Variants in ARHGAP26 observed in about 807,000 individuals in gnomAD.
ARHGAP26 encodes the protein rho GTPase-activating protein 26.
ARHGAP26 carries 38 observed loss-of-function variants against 104.8 expected under a neutral mutation model. That is an observed-to-expected ratio of 0.36 (90% confidence interval 0.28 to 0.48). The LOEUF (loss-of-function observed/expected upper bound fraction) is 0.48, where lower values mean the gene tolerates loss of function less well. Among genes scored for constraint, ARHGAP26 ranks in the 20% least tolerant of loss-of-function variants. ARHGAP26 has a pLI of 0.99. For synonymous variants in ARHGAP26, 341 were observed against 340.0 expected (o/e 1.00, Z -0.03); for missense variants, 704 against 947.9 (o/e 0.74, Z 3.38).
chr5:143,079,502 G>A (rs1232200930), intron 17 of ARHGAP26, among the ~76,000 whole-genome samples: 1 of 152,194 alleles, frequency 6.6e-6, no homozygotes, highest in Non-Finnish European at 1.5e-5. Flanking sequence ...CTGTGCAGCT[G>A]ATTTGATTAT....
At chr5:143,018,402 G>A (rs1010909439) in intron 12 of ARHGAP26, among the ~76,000 whole-genome samples, 3 of 152,088 alleles carry the variant, frequency 2.0e-5, no homozygotes, top group Non-Finnish European at 4.4e-5. Context: ...GTTGTGTTTT[G>A]GAGAAGGCCT....
intron 11 of ARHGAP26, among the ~76,000 whole-genome samples, chr5:143,011,420 A>G (rs1778734908): frequency 6.6e-6 from 1 of 151,488 alleles, no homozygotes; most frequent in Non-Finnish European, 1.5e-5. Flanking sequence ...TTATGAGAGC[A>G]GAGATTACAG....
At chr5:142,837,522 G>T (rs1157846813) in intron 1 of ARHGAP26, among the ~76,000 whole-genome samples, 1 of 152,112 alleles carries the variant, frequency 6.6e-6, no homozygotes, top group Admixed American at 6.6e-5. Flanking sequence ...AGAAGGCCTG[G>T]TTTTTAGGCT....
At chr5:142,855,085 A>G (rs1177911487) in intron 1 of ARHGAP26, among the ~76,000 whole-genome samples, 3 of 152,110 alleles carry the variant, frequency 2.0e-5, no homozygotes, top group African/African-American at 7.2e-5. Flanking sequence ...CACAAAAATA[A>G]TAATTAAAAA....
At chr5:143,168,971 G>C (rs1204163908) in intron 20 of ARHGAP26, 2 of 152,234 alleles carry the variant, frequency 1.3e-5, no homozygotes, top group Non-Finnish European at 2.9e-5. Context: ...TTCTCAAACT[G>C]TAAGTGAACT....
In ARHGAP26 at chr5:142,879,594, C is replaced by T. The variant is rs1756649946; in HGVS notation, c.384+149C>T. 1.7e-5 allele frequency: 12 copies of T among 714,424 alleles called. No homozygotes were observed. In the South Asian group the frequency reaches 2.4e-4, roughly 14 times the overall value. 44.3% of individuals were successfully genotyped at this position (714,424 alleles called of 1,614,324 possible). A position where few individuals can be genotyped will look rare whatever the true frequency, so the allele number is the denominator to read the frequency against. ...ATCTTAGGCAGAAAACTCTATAGAGCCCAACTCATCGGTTCTTTACGGGTG... is the reference window on the plus strand; with the variant it reads ...ATCTTAGGCAGAAAACTCTATAGAGTCCAACTCATCGGTTCTTTACGGGTG... On this transcript the variant is annotated intron_variant, in intron 4 of 22. Transcript: ENST00000645722.
At position 142,947,928 on chromosome 5, in the gene ARHGAP26, G is replaced by C. The variant is rs541687944; in HGVS notation, c.1107+15803G>C. 1.2e-4 allele frequency among the ~76,000 whole-genome samples: 18 copies of C among 152,284 alleles called. No homozygotes were observed. The South Asian group carries it at 3.5e-3, about 30-fold the overall frequency. On this transcript the variant is annotated intron_variant, in intron 11 of 22. Coordinates refer to ENST00000645722, the MANE Select transcript of ARHGAP26 (RefSeq NM_001135608.3). Reference sequence around the variant, plus strand: ...CCAGCTGCTCGGGAGTGTGAAGCGGGTGGATCACTTGAGCCCAGGAGTTTG... The same window carrying C: ...CCAGCTGCTCGGGAGTGTGAAGCGGCTGGATCACTTGAGCCCAGGAGTTTG...
intron 1 of ARHGAP26, among the ~76,000 whole-genome samples, chr5:142,792,394 G>A (rs773027602): frequency 1.3e-5 from 2 of 152,300 alleles, no homozygotes; most frequent in East Asian, 1.9e-4. Flanking sequence ...CTTGGGCTCC[G>A]TTTCTGTGTT....
intron 1 of ARHGAP26, among the ~76,000 whole-genome samples, chr5:142,780,803 T>A (rs1346522822): frequency 6.6e-6 from 1 of 152,120 alleles, no homozygotes; most frequent in Admixed American, 6.5e-5. Flanking sequence ...GTGACTCTGG[T>A]CTAGGGGACA....
chr5:142,878,140 C>T (rs999248814), intron 3 of ARHGAP26, among the ~76,000 whole-genome samples: 7 of 152,236 alleles, frequency 4.6e-5, no homozygotes, highest in South Asian at 2.1e-4. Context: ...GGCATTTACC[C>T]GGTTAGTTTC....
intron 14 of ARHGAP26, among the ~76,000 whole-genome samples, chr5:143,043,732 T>G (rs1314595760): frequency 6.6e-6 from 1 of 152,196 alleles, no homozygotes. Flanking sequence ...TGCTAGAGAT[T>G]AAATTTTAGA....
intron 10 of ARHGAP26, among the ~76,000 whole-genome samples, chr5:142,920,571 T>C (rs1763067631): frequency 6.6e-6 from 1 of 152,208 alleles, no homozygotes; most frequent in African/African-American, 2.4e-5. Flanking sequence ...AAATGATTAC[T>C]TTTTTCTGGG....
rs1802228827 is a variant in ARHGAP26, at chr5:143,167,892, A to G, written c.1988+20511A>G. On this transcript the variant is annotated intron_variant, in intron 20 of 22. Transcript: ENST00000645722. ...TCTGCCATTCAACAGATTTTTCTGA[A>G]TGTCTTCAATATGTAAACACATTAA... is the stretch of plus-strand genomic sequence containing the variant. Among the ~76,000 whole-genome samples the G allele has an allele frequency of 2.6e-5, 4 of 152,332 alleles. No homozygotes were observed. In the South Asian group the frequency reaches 8.3e-4, roughly 32 times the overall value.
At chr5:142,881,366 C>T (rs930579740) in intron 4 of ARHGAP26, among the ~76,000 whole-genome samples, 1 of 152,144 alleles carries the variant, frequency 6.6e-6, no homozygotes, top group African/African-American at 2.4e-5. Flanking sequence ...AGTGAGCTCC[C>T]TTTGGGCTTG....
At chr5:143,002,764 A>G (rs191225977) in intron 11 of ARHGAP26, among the ~76,000 whole-genome samples, 1 of 152,316 alleles carries the variant, frequency 6.6e-6, no homozygotes, top group African/African-American at 2.4e-5. Context: ...GTTTTTGTTT[A>G]TGTTGGCTGT....
At chr5:142,792,159 G>A (rs151151808) in intron 1 of ARHGAP26, among the ~76,000 whole-genome samples, 4 of 152,106 alleles carry the variant, frequency 2.6e-5, no homozygotes, top group Admixed American at 2.6e-4. Flanking sequence ...CACATCTCTT[G>A]TTCTTCCAGT....
At chr5:142,902,777 A>G (rs1760547303) in intron 7 of ARHGAP26, among the ~76,000 whole-genome samples, 1 of 152,212 alleles carries the variant, frequency 6.6e-6, no homozygotes, top group African/African-American at 2.4e-5. Context: ...AATCTTGGAA[A>G]AGGTTTCACA....
intron 11 of ARHGAP26, among the ~76,000 whole-genome samples, chr5:142,988,469 G>T (rs1428311490): frequency 6.6e-6 from 1 of 151,956 alleles, no homozygotes; most frequent in Non-Finnish European, 1.5e-5. Context: ...TTTTTGAAGG[G>T]TTTTTTGTGT....
In ARHGAP26 at chr5:142,783,272, G is replaced by A. The variant is rs137935050; in HGVS notation, c.154+12357G>A. Reference sequence around the variant, plus strand: ...GCTTGAGAACATGTCAGCCAGTGTGGCTCCACGCCTGGGATCCAGTTGTTC... The same window carrying A: ...GCTTGAGAACATGTCAGCCAGTGTGACTCCACGCCTGGGATCCAGTTGTTC... On this transcript the variant is annotated intron_variant, in intron 1 of 22. Coordinates refer to ENST00000645722, the MANE Select transcript of ARHGAP26 (RefSeq NM_001135608.3). Among the ~76,000 whole-genome samples, 49 of 152,330 alleles carry A rather than the reference G, an allele frequency of 3.2e-4. No homozygotes were observed. The East Asian group carries it at 9.3e-3, about 29-fold the overall frequency.
Sources: allele counts gnomAD v4.1 joint callset (sites outside exome capture counted in the v4.1 genomes callset), GRCh38; gene constraint gnomAD v4.1.1; transcripts MANE v1.5; gene names NCBI Gene and HGNC (gene_info 2026-07-23, HGNC 2026-07-21).